Variants in RGS7 observed in about 807,000 individuals in gnomAD.
The protein encoded by RGS7 is regulator of G-protein signaling 7.
RGS7 carries 27 observed loss-of-function variants against 81.1 expected under a neutral mutation model. The observed-to-expected ratio is 0.33, with a 90% CI of 0.25 to 0.46. The LOEUF (loss-of-function observed/expected upper bound fraction) is 0.46. RGS7 is among the 20% of genes least tolerant of loss of function. RGS7 has a pLI of 1.00. For missense variants in RGS7, 396 were observed against 607.4 expected (o/e 0.65, Z 3.66); for synonymous variants, 208 against 207.7 (o/e 1.00, Z -0.01).
chr1:241,233,784 T>A (rs915984711), intron 2 of RGS7, among the ~76,000 whole-genome samples: 1 of 139,674 alleles, frequency 7.2e-6, no homozygotes, highest in African/African-American at 2.7e-5. Flanking sequence ...ATACGGTAGT[T>A]CTATTTTTTA....
At chr1:241,216,345 G>A (rs1337586201) in intron 2 of RGS7, among the ~76,000 whole-genome samples, 2 of 151,974 alleles carry the variant, frequency 1.3e-5, no homozygotes, top group Non-Finnish European at 2.9e-5. Flanking sequence ...AAAACATGGC[G>A]TTTCATCTTA....
intron 2 of RGS7, among the ~76,000 whole-genome samples, chr1:241,203,526 G>A (rs992970428): frequency 3.9e-5 from 6 of 152,082 alleles, no homozygotes; most frequent in Admixed American, 1.3e-4. Flanking sequence ...CACCGTGCCC[G>A]GCCTGAGTTC....
At chr1:240,946,942 C>T (rs1400637026) in intron 4 of RGS7, among the ~76,000 whole-genome samples, 1 of 152,116 alleles carries the variant, frequency 6.6e-6, no homozygotes, top group Non-Finnish European at 1.5e-5. Context: ...CTGATTTGTT[C>T]ATTATATTAT....
At chr1:240,786,896 C>A (rs537439410) in intron 18 of RGS7, among the ~76,000 whole-genome samples, 1 of 152,018 alleles carries the variant, frequency 6.6e-6, no homozygotes, top group Non-Finnish European at 1.5e-5. Context: ...TTATATAATG[C>A]AACAAATATT....
intron 6 of RGS7, among the ~76,000 whole-genome samples, chr1:240,899,455 C>T (rs1247120475): frequency 1.3e-5 from 2 of 152,156 alleles, no homozygotes; most frequent in African/African-American, 2.4e-5. Flanking sequence ...GTGCTTCCTT[C>T]AGGAGCTCTT....
chr1:240,899,998 T>C, intron 6 of RGS7, among the ~76,000 whole-genome samples: 1 of 152,194 alleles, frequency 6.6e-6, no homozygotes, highest in Non-Finnish European at 1.5e-5. Context: ...ATACTCTTTT[T>C]TCTCTAAACT....
Position 240,802,919 on chromosome 1 carries a change from T to C in RGS7, c.1344A>G (p.Leu448=), listed in dbSNP as rs1427688315. The change falls in exon 16 of 19, where the codon CTA becomes CTG. Residue 448 remains leucine, a synonymous_variant. Coordinates refer to ENST00000440928, the MANE Select transcript of RGS7 (RefSeq NM_001364886.1). ...AAACCAGTACCTTTTTCTTTGCCTG[T>C]AGAAGCTCCTGATAGGCACTGGATC... The part of the protein sequence containing the change: ...FIRSSAYQEL[L]QAKKKSGNSM... 3 of 1,610,422 alleles carry C rather than the reference T, an allele frequency of 1.9e-6. No homozygotes were observed. The highest frequency in any genetic ancestry group is 2.5e-6 in the Non-Finnish European group (3 of 1,176,850).
chr1:241,018,589 C>CT (rs1572291104), intron 3 of RGS7, among the ~76,000 whole-genome samples: 1 of 151,922 alleles, frequency 6.6e-6, no homozygotes, highest in East Asian at 1.9e-4. Context: ...TCTTGCAGGT[C>CT]TTTCAGCTGT....
At chr1:240,991,445 T>C (rs1371855344) in intron 3 of RGS7, among the ~76,000 whole-genome samples, 1 of 152,184 alleles carries the variant, frequency 6.6e-6, no homozygotes, top group Non-Finnish European at 1.5e-5. Flanking sequence ...CAGAGAAGCT[T>C]TTCCCAAGTC....
chr1:241,034,787 C>T (rs547982933), intron 3 of RGS7, among the ~76,000 whole-genome samples: 7 of 152,162 alleles, frequency 4.6e-5, no homozygotes, highest in South Asian at 2.1e-4. Context: ...GAAGTGAGAG[C>T]GCCATCATAC....
In RGS7 at chr1:241,205,727, T is replaced by C. The variant is rs571121945; in HGVS notation, c.79-106965A>G. ...CCACCCACCTCAGCCTCCCAAAGTG[T>C]TGGGATTACAGGCGTGAGCCACTGC... is the stretch of plus-strand genomic sequence containing the variant. On this transcript the variant is annotated intron_variant, in intron 2 of 18. Transcript: ENST00000440928. Among the ~76,000 whole-genome samples, 23 of 152,152 alleles carry C rather than the reference T, an allele frequency of 1.5e-4. No individual in the cohort carries two copies. The South Asian group carries it at 3.1e-3, about 21-fold the overall frequency.
chr1:241,207,129 C>T (rs540650175), intron 2 of RGS7, among the ~76,000 whole-genome samples: 55 of 151,372 alleles, frequency 3.6e-4, no homozygotes, highest in African/African-American at 8.7e-4. Flanking sequence ...CCACCACGCC[C>T]GGCTAATTTT....
chr1:240,942,908 TA>T (rs1264467254), intron 4 of RGS7, among the ~76,000 whole-genome samples: 11 of 152,174 alleles, frequency 7.2e-5, no homozygotes, highest in Non-Finnish European at 1.3e-4. Flanking sequence ...CAAAACCAAG[TA>T]AAAATGGACT....
At chr1:240,925,835 C>T (rs1387541342) in intron 6 of RGS7, among the ~76,000 whole-genome samples, 5 of 152,070 alleles carry the variant, frequency 3.3e-5, no homozygotes, top group Admixed American at 6.6e-5. Flanking sequence ...GGTGTGAGAT[C>T]GTATATCATT....
Position 240,961,627 on chromosome 1 carries a change from C to T in RGS7, c.226+21452G>A, listed in dbSNP as rs1681453655. Among the ~76,000 whole-genome samples, 3 of 152,142 alleles carry T rather than the reference C, an allele frequency of 2.0e-5. No individual in the cohort carries two copies. The South Asian group carries it at 6.2e-4, about 32-fold the overall frequency. On this transcript the variant is annotated intron_variant, in intron 4 of 18. Coordinates refer to ENST00000440928, the MANE Select transcript of RGS7 (RefSeq NM_001364886.1). Reference sequence around the variant, plus strand: ...GCTAACTTTAAATTTCTAACAACCCCTGTGAGGTCTACAATGGCAATGCGC... The same window carrying T: ...GCTAACTTTAAATTTCTAACAACCCTTGTGAGGTCTACAATGGCAATGCGC...
intron 3 of RGS7, among the ~76,000 whole-genome samples, chr1:240,997,994 G>A (rs1017381288): frequency 2.6e-5 from 4 of 152,166 alleles, no homozygotes; most frequent in African/African-American, 9.7e-5. Context: ...GTCAGCTGGT[G>A]ACAAATTCTC....
chr1:241,179,489 G>A (rs911894699), intron 2 of RGS7, among the ~76,000 whole-genome samples: 2 of 152,162 alleles, frequency 1.3e-5, no homozygotes, highest in Non-Finnish European at 2.9e-5. Flanking sequence ...ACAGGCAGCT[G>A]GCGACTAAGT....
chr1:240,776,602 G>T (rs1572021939), intron 18 of RGS7, among the ~76,000 whole-genome samples: 2 of 152,322 alleles, frequency 1.3e-5, no homozygotes, highest in East Asian at 3.9e-4. Context: ...TTAGTAAGCT[G>T]CTCTGAAAGA....
chr1:241,245,090 T>C (rs1172150155), intron 2 of RGS7, among the ~76,000 whole-genome samples: 1 of 152,118 alleles, frequency 6.6e-6, no homozygotes, highest in Admixed American at 6.5e-5. Context: ...ACATGTACCC[T>C]AAAACTTAAA....
Sources: allele counts gnomAD v4.1 joint callset (sites outside exome capture counted in the v4.1 genomes callset), GRCh38; gene constraint gnomAD v4.1.1; transcripts MANE v1.5; gene names NCBI Gene and HGNC (gene_info 2026-07-23, HGNC 2026-07-21).